The following TH variants were observed in gnomAD, a reference collection of about 807,000 sequenced individuals.
TH encodes the protein tyrosine hydroxylase, also known as tyrosine 3-monooxygenase.
TH carries 49 observed loss-of-function variants against 57.4 expected under a neutral mutation model. The ratio of observed to expected loss-of-function variants is 0.85; its 90% CI spans 0.68 to 1.08. The LOEUF is 1.08. Ranked by LOEUF, TH falls within the 50% of genes least tolerant of loss-of-function variation. The pLI, the probability that TH is intolerant of heterozygous loss-of-function variation, is 0.00. For synonymous variants in TH, 330 were observed against 304.5 expected, an observed-to-expected ratio of 1.08 and a Z score of -0.87; for missense variants, 720 against 696.7, an observed-to-expected ratio of 1.03 and a Z score of -0.38.
rs201224335 is a variant in TH, at chr11:2,167,911, C to G, written c.599G>C (p.Arg200Pro). 1 of 1,611,114 alleles carries G rather than the reference C, an allele frequency of 6.2e-7. No individual in the cohort carries two copies. Among genetic ancestry groups the G allele is most frequent in the South Asian group, 1.1e-5 (1 of 90,728 alleles). Residue 200 changes from arginine (R) to proline (P), a missense_variant, in exon 5 of 13, where the codon CGC becomes CCC. Coordinates refer to ENST00000352909, the MANE Select transcript of TH (RefSeq NM_000360.4). ...DHPGFSDQVY[R>P]QRRKLIAEIA... The stretch of plus-strand genomic sequence containing the variant: ...CTCAGCAATCAGCTTCCTGCGCTGG[C>G]GGTACACCTGGTCCGAGAAGCCCTG...
At chr11:2,168,238 C>A in intron 3 of TH, 59 bp from the exon 4 acceptor site, 1 of 1,570,114 alleles carries the variant, frequency 6.4e-7, no homozygotes, top group Non-Finnish European at 8.8e-7. Context: ...GCTGTGTCAC[C>A]CACCTTGAAG....
Position 2,166,697 on chromosome 11 carries a change from AGGCCAGGCT to A in TH, c.904_912del (p.Ser302_Ala304del). 6.4e-7 allele frequency: 1 copy of A among 1,557,194 alleles called. No homozygotes were observed. The highest frequency in any genetic ancestry group is 8.7e-7 in the Non-Finnish European group (1 of 1,150,824). ...TACTGGGTGCACTGGAACACGCGGA[AGGCCAGGCT>A]GGCCAGGAAGTCCCGGGCGGACAGC... On this transcript the variant is annotated inframe_deletion, in exon 8 of 13. Coordinates refer to ENST00000352909, the MANE Select transcript of TH (RefSeq NM_000360.4).
chr11:2,168,722 A>AGGG, intron 2 of TH, 57 bp from the exon 3 acceptor site: 5 of 152,788 alleles, frequency 3.3e-5, no homozygotes, highest in Admixed American at 1.1e-4. Flanking sequence ...AGATGGAGAG[A>AGGG]GAGGGTGGGG....
rs1023369939 is a variant in TH, at chr11:2,170,693, T to C, written c.91-822A>G. 3.7e-6 allele frequency: 6 copies of C among 1,603,688 alleles called. No individual in the cohort carries two copies. The South Asian group carries it at 6.8e-5, about 18-fold the overall frequency. Reference sequence around the variant, plus strand: ...CCCAGAGTCCCCTCTTACTTACCCTTGGGGTGGGGGTGTAGGATGCAGCTG... The same window carrying C: ...CCCAGAGTCCCCTCTTACTTACCCTCGGGGTGGGGGTGTAGGATGCAGCTG... On this transcript the variant is annotated intron_variant, in intron 1 of 12. Coordinates refer to ENST00000352909, the MANE Select transcript of TH (RefSeq NM_000360.4). The surrounding 1 kb of genome is among the most constrained non-coding windows in gnomAD (Gnocchi z 6.0).
intron 6 of TH, 160 bp from the exon 7 acceptor site, chr11:2,167,192 C>A: frequency 8.4e-7 from 1 of 1,189,622 alleles, no homozygotes; most frequent in Non-Finnish European, 1.2e-6. Flanking sequence ...TTGCTGGTGG[C>A]TTTAGGGAAT....
rs148235227 is a variant in TH, at chr11:2,170,739, G to A, written c.91-868C>T. 411 of 1,600,356 alleles carry A rather than the reference G, an allele frequency of 2.6e-4. No individual in the cohort carries two copies. Among genetic ancestry groups the A allele is most frequent in the Non-Finnish European group, 3.3e-4 (394 of 1,176,576 alleles). Reference sequence around the variant, plus strand: ...AGCTGGGGCTGCAGTTCCAGGCCACGGAGAGCCTGTGAGGCTGGGCCCCGG... The same window carrying A: ...AGCTGGGGCTGCAGTTCCAGGCCACAGAGAGCCTGTGAGGCTGGGCCCCGG... On this transcript the variant is annotated intron_variant, in intron 1 of 12. Transcript: ENST00000352909. The surrounding 1 kb of genome is among the most constrained non-coding windows in gnomAD (Gnocchi z 6.0).
chr11:2,168,044 GGATGT>G (rs1222190894), intron 4 of TH, 42 bp downstream of exon 4: 1 of 1,610,946 alleles, frequency 6.2e-7, no homozygotes, highest in Non-Finnish European at 8.5e-7. Flanking sequence ...TAAGGGTAGG[GGATGT>G]GATCAGGGGC....
At position 2,165,657 on chromosome 11, in the gene TH, G is replaced by A. The variant is rs372851419; in HGVS notation, c.1200+11C>T. On this transcript the variant is annotated intron_variant, in intron 11 of 12. Transcript: ENST00000352909. Reference sequence around the variant, plus strand: ...CCTCTGCTGGGGGCTGCAGCAAGGAGAGACTCTCACCAGGAGCTCCCCGTA... The same window carrying A: ...CCTCTGCTGGGGGCTGCAGCAAGGAAAGACTCTCACCAGGAGCTCCCCGTA... The A allele has an allele frequency of 4.3e-5, 69 of 1,612,416 alleles. 1 individual carries two copies. The African/African-American group carries it at 8.4e-4, about 20-fold the overall frequency.
rs749511672 is a variant in TH, at chr11:2,166,594, C to G, written c.977+39G>C. On this transcript the variant is annotated intron_variant, in intron 8 of 12. Transcript: ENST00000352909. The stretch of plus-strand genomic sequence containing the variant: ...GGGGGCTGAGGGGCCGCCCGTCGCA[C>G]CCCCCACCCTCGGGCTGGCGGCCAG... 3.8e-6 allele frequency: 6 copies of G among 1,584,716 alleles called. No homozygotes were observed. The South Asian group carries it at 6.9e-5, about 18-fold the overall frequency.
chr11:2,169,718 G>A lies in TH; in HGVS notation c.244C>T (p.Leu82=). 4 of 1,613,238 alleles carry A rather than the reference G, an allele frequency of 2.5e-6. No homozygotes were observed. The highest frequency in any genetic ancestry group is 3.4e-6 in the Non-Finnish European group (4 of 1,179,906). Residue 82 remains leucine, a synonymous_variant, in exon 2 of 13, where the codon CTA becomes TTA. Transcript: ENST00000352909. ...AFEEKEGKAV[L]NLLFSPRATK... ...GCCCTCGGGGAGAAGAGCAGGTTTAGCACGGCCTTCCCCTCCTTCTCCTCA... is the reference window on the plus strand; with the variant it reads ...GCCCTCGGGGAGAAGAGCAGGTTTAACACGGCCTTCCCCTCCTTCTCCTCA...
intron 6 of TH, 135 bp from the exon 7 acceptor site, chr11:2,167,167 C>CGTGTGT: frequency 7.4e-7 from 1 of 1,344,496 alleles, no homozygotes; most frequent in African/African-American, 1.5e-5. Flanking sequence ...AGACCCAGGC[C>CGTGTGT]CCCGGGAGGG....
In TH at chr11:2,167,681, C is replaced by T. The variant is rs1846136988; in HGVS notation, c.644+185G>A. The T allele has an allele frequency of 6.9e-5, 75 of 1,082,640 alleles. 1 individual carries two copies. In the South Asian group the frequency reaches 1.1e-3, roughly 16 times the overall value. 67.1% of individuals were successfully genotyped at this position (1,082,640 alleles called of 1,614,324 possible). A position where few individuals can be genotyped will look rare whatever the true frequency, so the allele number is the denominator to read the frequency against. Reference sequence around the variant, plus strand: ...GTGGCCTCGGCAGGTTGCTCTAGCCCCCCTGGGCCTCAGTTTCCCCACTGG... The same window carrying T: ...GTGGCCTCGGCAGGTTGCTCTAGCCTCCCTGGGCCTCAGTTTCCCCACTGG... On this transcript the variant is annotated intron_variant, in intron 5 of 12. Coordinates refer to ENST00000352909, the MANE Select transcript of TH (RefSeq NM_000360.4).
At position 2,168,114 on chromosome 11, in the gene TH, G is replaced by A. The variant is rs1458961151; in HGVS notation, c.553C>T (p.Pro185Ser). ...ACCGGGTGGTCCAAGTCCAGGTCAG[G>A]GTCGAACTTGGTGACCAGGTGATGA... ...KCHHLVTKFD[P>S]DLDLDHPGFS... is the part of the protein sequence containing the mutation. Residue 185 changes from proline to serine, a missense_variant, in exon 4 of 13, where the codon CCT becomes TCT. Pro to Ser is a moderately conservative substitution (Grantham distance 74). Coordinates refer to ENST00000352909, the MANE Select transcript of TH (RefSeq NM_000360.4). The A allele has an allele frequency of 1.9e-6, 3 of 1,613,528 alleles. No homozygotes were observed. Among genetic ancestry groups the A allele is most frequent in the Admixed American group, 1.7e-5 (1 of 60,028 alleles).
At chr11:2,166,261 TG>T in intron 9 of TH, 7 of 854,110 alleles carry the variant, frequency 8.2e-6, no homozygotes, top group Middle Eastern at 3.5e-4. Flanking sequence ...CCTAAGCCCG[TG>T]GGCGCCGTTC....
chr11:2,166,237 T>C (rs1846086665), intron 9 of TH, 179 bp from the exon 10 acceptor site: 11 of 885,866 alleles, frequency 1.2e-5, no homozygotes, highest in Non-Finnish European at 1.7e-5. Context: ...CAGGCAGCCC[T>C]CCTTGACCAC....
chr11:2,164,802 G>A (rs1402658623), intron 12 of TH, among the ~76,000 whole-genome samples: 5 of 152,106 alleles, frequency 3.3e-5, no homozygotes, highest in African/African-American at 1.2e-4. Context: ...GATGAGGCTA[G>A]AGGGCTTTGC....
rs75183227 is a variant in TH at position 2,169,790 on chromosome 11, C to T, written c.172G>A (p.Ala58Thr). The change falls in exon 2 of 13, where the codon GCT becomes ACT. Residue 58 changes from alanine (A) to threonine (T), a missense_variant. Ala to Thr is a moderately conservative substitution (Grantham distance 58). Transcript: ENST00000352909. Reference sequence around the variant, plus strand: ...TCCCCGGGCTCCGAGGGGACTGCAGCGGCCGCTGCTGCCACCGCCGCCTCC... The same window carrying T: ...TCCCCGGGCTCCGAGGGGACTGCAGTGGCCGCTGCTGCCACCGCCGCCTCC... The part of the protein sequence containing the change: ...EREAAVAAAA[A>T]AVPSEPGDPL... 5.0e-6 allele frequency: 8 copies of T among 1,610,966 alleles called. No individual in the cohort carries two copies. Among genetic ancestry groups the T allele is most frequent in the Non-Finnish European group, 6.8e-6 (8 of 1,179,424 alleles).
At chr11:2,165,431 G>A (rs569811124) in intron 11 of TH, 66 bp from the exon 12 acceptor site, 21 of 1,598,078 alleles carry the variant, frequency 1.3e-5, no homozygotes, top group East Asian at 2.2e-5. Flanking sequence ...CTGGGGCACC[G>A]TGGCCTGACG....
chr11:2,165,578 A>C, intron 11 of TH, 90 bp downstream of exon 11: 8 of 1,436,326 alleles, frequency 5.6e-6, no homozygotes, highest in Non-Finnish European at 7.7e-6. Context: ...TCCAGGCCTC[A>C]GTTTCCTCCC....
Sources: allele counts gnomAD v4.1 joint callset (sites outside exome capture counted in the v4.1 genomes callset), GRCh38; gene constraint gnomAD v4.1.1; non-coding constraint Gnocchi (gnomAD v3.1); transcripts MANE v1.5; gene names NCBI Gene and HGNC (gene_info 2026-07-23, HGNC 2026-07-21).